The following MFSD6 variants were observed in gnomAD, a reference collection of about 807,000 sequenced individuals.
MFSD6 encodes major facilitator superfamily domain containing 6, also known as major facilitator superfamily domain-containing protein 6.
In MFSD6, 26 loss-of-function variants were observed where a neutral mutation model predicts 56.3. The ratio of observed to expected loss-of-function variants is 0.46; its 90% CI spans 0.34 to 0.64. The LOEUF (loss-of-function observed/expected upper bound fraction) is 0.64. Among genes scored for constraint, MFSD6 ranks in the 30% least tolerant of loss-of-function variants. The pLI is 0.01. For missense variants in MFSD6, 750 were observed against 986.2 expected (o/e 0.76, Z 3.21); for synonymous variants, 331 against 366.9 (o/e 0.90, Z 1.12).
rs1346833430 is a variant in MFSD6 at position 190,497,561 on chromosome 2, A to G, written c.2014A>G (p.Lys672Glu). 1 of 1,614,098 alleles carries G rather than the reference A, an allele frequency of 6.2e-7. No homozygotes were observed. The highest frequency in any genetic ancestry group is 2.2e-5 in the East Asian group (1 of 44,900). ...ACGCATTGAGCCCAGACTTCCACCCAAGAAAACTAAGCACCAGGAAGAACA... is the reference window on the plus strand; with the variant it reads ...ACGCATTGAGCCCAGACTTCCACCCGAGAAAACTAAGCACCAGGAAGAACA... ...MPRIEPRLPP[K>E]KTKHQEEQED... is the part of the protein sequence containing the mutation. The change falls in exon 7 of 8, where the codon AAG becomes GAG. Residue 672 changes from lysine to glutamate, a missense_variant. Coordinates refer to ENST00000392328, the MANE Select transcript of MFSD6 (RefSeq NM_017694.4). The surrounding 1 kb of genome is among the most constrained non-coding windows in gnomAD (Gnocchi z 5.2).
Position 190,498,734 on chromosome 2 carries a change from A to AT in MFSD6, c.2172+1019dup, listed in dbSNP as rs1313867392. On this transcript the variant is annotated intron_variant, in intron 7 of 7. Transcript: ENST00000392328. The surrounding 1 kb of genome is among the most constrained non-coding windows in gnomAD (Gnocchi z 5.9). ...AGAAGACTAAACAGGAGAAAGGATG[A>AT]TTTTAATATCTGCTGCTTGAGTAGC... 1.3e-5 allele frequency among the ~76,000 whole-genome samples: 2 copies of AT among 152,340 alleles called. No homozygotes were observed. Among genetic ancestry groups the AT allele is most frequent in the African/African-American group, 4.8e-5 (2 of 41,574 alleles).
At chr2:190,460,446 C>G (rs147154779) in intron 3 of MFSD6, among the ~76,000 whole-genome samples, 1 of 152,042 alleles carries the variant, frequency 6.6e-6, no homozygotes, top group South Asian at 2.1e-4. Context: ...AGTGTATATC[C>G]CTAGCACTTA....
rs1686070608 is a variant in MFSD6 at position 190,433,319 on chromosome 2, C to A, written c.-53-2658C>A. On this transcript the variant is annotated intron_variant, in intron 2 of 7. Transcript: ENST00000392328. This position sits in a 1 kb window ranked among gnomAD's most constrained non-coding sequence, Gnocchi z 4.5. Reference sequence around the variant, plus strand: ...TAGATTTGAGGGCAAATTATTTTTTCTTTTCAGATGATGAAATGGAATTGG... The same window carrying A: ...TAGATTTGAGGGCAAATTATTTTTTATTTTCAGATGATGAAATGGAATTGG... 6.6e-6 allele frequency: 1 copy of A among 152,030 alleles called. No homozygotes were observed. Among genetic ancestry groups the A allele is most frequent in the South Asian group, 2.1e-4 (1 of 4,822 alleles). The allele number at this position is 152,030 out of a possible 1,614,324, so 9.4% of individuals were successfully genotyped here. A position where few individuals can be genotyped will look rare whatever the true frequency, so the allele number is the denominator to read the frequency against.
In MFSD6 at chr2:190,501,778, A is replaced by C. The variant is rs191159246; in HGVS notation, c.*1560A>C. 58 of 152,802 alleles carry C rather than the reference A, an allele frequency of 3.8e-4. 1 individual carries two copies. Among genetic ancestry groups the C allele is most frequent in the African/African-American group, 1.2e-3 (51 of 41,592 alleles). The allele number at this position is 152,802 out of a possible 1,614,324, so 9.5% of individuals were successfully genotyped here. On this transcript the variant is annotated 3_prime_UTR_variant, in exon 8 of 8. Coordinates refer to ENST00000392328, the MANE Select transcript of MFSD6 (RefSeq NM_017694.4). ...ATAACTGAAAGAAATAGAATTCAGC[A>C]AATAGTTATTTTTTGCACTTGAACT... is the stretch of plus-strand genomic sequence containing the variant.
At position 190,499,880 on chromosome 2, in the gene MFSD6, T is replaced by C; in HGVS notation, c.2173-135T>C. ...AGGTAAGACATTCTATCCTTATTCC[T>C]CTATTACTTGGTCCCTGAAATGGGC... is the stretch of plus-strand genomic sequence containing the variant. On this transcript the variant is annotated intron_variant, in intron 7 of 7. Transcript: ENST00000392328. This position sits in a 1 kb window ranked among gnomAD's most constrained non-coding sequence, Gnocchi z 6.0. 1 of 1,556,614 alleles carries C rather than the reference T, an allele frequency of 6.4e-7. No individual in the cohort carries two copies.
chr2:190,408,094 G>A (rs978644657), upstream of MFSD6, among the ~76,000 whole-genome samples: 3 of 152,032 alleles, frequency 2.0e-5, no homozygotes, highest in African/African-American at 2.4e-5. Flanking sequence ...TGGAGGCCGG[G>A]AGCGGGCAGT....
Position 190,488,606 on chromosome 2 carries a change from A to C in MFSD6, c.1631-51A>C. 7.3e-7 allele frequency: 1 copy of C among 1,378,210 alleles called. No homozygotes were observed. Among genetic ancestry groups the C allele is most frequent in the Non-Finnish European group, 9.6e-7 (1 of 1,047,048 alleles). 85.4% of individuals were successfully genotyped at this position (1,378,210 alleles called of 1,614,324 possible). On this transcript the variant is annotated intron_variant, in intron 4 of 7. Transcript: ENST00000392328. This position sits in a 1 kb window ranked among gnomAD's most constrained non-coding sequence, Gnocchi z 6.4. ...AATAATTCACATTTCAAAACAGAGT[A>C]GCCTAAGAAATGCTAACCAACTAAT...
chr2:190,489,298 G>C lies in MFSD6; in HGVS notation c.1793-470G>C, dbSNP rs1689192262. On this transcript the variant is annotated intron_variant, in intron 5 of 7. Coordinates refer to ENST00000392328, the MANE Select transcript of MFSD6 (RefSeq NM_017694.4). This position sits in a 1 kb window ranked among gnomAD's most constrained non-coding sequence, Gnocchi z 6.6. ...TATCTTCCTTATTAGAAACATAGGA[G>C]CTGAAATAGGAATGAGATTATTCTG... Among the ~76,000 whole-genome samples the C allele has an allele frequency of 6.6e-6, 1 of 152,140 alleles. No individual in the cohort carries two copies. Among genetic ancestry groups the C allele is most frequent in the Non-Finnish European group, 1.5e-5 (1 of 68,028 alleles).
chr2:190,455,319 T>G (rs761622584), intron 3 of MFSD6, among the ~76,000 whole-genome samples: 4 of 152,188 alleles, frequency 2.6e-5, no homozygotes, highest in African/African-American at 4.8e-5. Context: ...GTTTTAAGTA[T>G]AGGTATAATA....
At position 190,436,621 on chromosome 2, in the gene MFSD6, A is replaced by C. The variant is rs1255763819; in HGVS notation, c.592A>C (p.Lys198Gln). Residue 198 changes from lysine (K) to glutamine (Q), a missense_variant, in exon 3 of 8, where the codon AAA becomes CAA. Transcript: ENST00000392328. This position sits in a 1 kb window ranked among gnomAD's most constrained non-coding sequence, Gnocchi z 5.3. ...FLTISPKMRE[K>Q]RNLLETRLNV... is the part of the protein sequence containing the mutation. ...CACCATATCACCAAAAATGCGTGAG[A>C]AAAGAAACCTTTTGGAAACAAGGCT... 1 of 1,614,100 alleles carries C rather than the reference A, an allele frequency of 6.2e-7. No homozygotes were observed. The highest frequency in any genetic ancestry group is 8.5e-7 in the Non-Finnish European group (1 of 1,180,044).
Position 190,412,031 on chromosome 2 carries a change from A to G in MFSD6, c.-175-3261A>G, listed in dbSNP as rs1690583442. 1.0e-6 allele frequency: 1 copy of G among 985,164 alleles called. No individual in the cohort carries two copies. The highest frequency in any genetic ancestry group is 1.7e-5 in the African/African-American group (1 of 57,240). The allele number at this position is 985,164 out of a possible 1,614,324, so 61.0% of individuals were successfully genotyped here. ...TATGGCATTCTGGATGACTTTAGGT[A>G]TAATTATTTTTAGTAACAATTTAGG... On this transcript the variant is annotated intron_variant, in intron 1 of 7. Coordinates refer to ENST00000392328, the MANE Select transcript of MFSD6 (RefSeq NM_017694.4). The surrounding 1 kb of genome is among the most constrained non-coding windows in gnomAD (Gnocchi z 4.1).
At chr2:190,448,101 G>A (rs1434606947) in intron 3 of MFSD6, among the ~76,000 whole-genome samples, 1 of 152,158 alleles carries the variant, frequency 6.6e-6, no homozygotes, top group Non-Finnish European at 1.5e-5. Context: ...AACACCATGT[G>A]TACTGTACCT....
At chr2:190,453,604 C>A (rs761497705) in intron 3 of MFSD6, among the ~76,000 whole-genome samples, 2 of 152,294 alleles carry the variant, frequency 1.3e-5, no homozygotes, top group South Asian at 2.1e-4. Context: ...GTGCTTCTAA[C>A]GTGGGCATAA....
intron 3 of MFSD6, among the ~76,000 whole-genome samples, chr2:190,468,807 A>G (rs5004460): frequency 0.88 from 133,742 of 152,064 alleles, 59,619 homozygotes; most frequent in East Asian, 1. Flanking sequence ...ACCACTGATT[A>G]TCGTGTTGGT....
chr2:190,437,015 T>C lies in MFSD6; in HGVS notation c.986T>C (p.Met329Thr). Reference sequence around the variant, plus strand: ...AGAGATCGCTATGGGTTGCAGCGCATGTGGGGCTCCCTGGGCTGGGGCCTG... The same window carrying C: ...AGAGATCGCTATGGGTTGCAGCGCACGTGGGGCTCCCTGGGCTGGGGCCTG... Reference protein sequence around the residue: ...KHRDRYGLQRMWGSLGWGLAM... With the variant: ...KHRDRYGLQRTWGSLGWGLAM... Residue 329 changes from methionine to threonine, a missense_variant, in exon 3 of 8, where the codon ATG (methionine) becomes ACG (threonine). Around this residue, in one of 5 missense-constraint regions of MFSD6, gnomAD observed 376 missense variants for 437.9 expected, o/e 0.86. Coordinates refer to ENST00000392328, the MANE Select transcript of MFSD6 (RefSeq NM_017694.4). This position sits in a 1 kb window ranked among gnomAD's most constrained non-coding sequence, Gnocchi z 5.9. 6.2e-7 allele frequency: 1 copy of C among 1,614,216 alleles called. No individual in the cohort carries two copies. Among genetic ancestry groups the C allele is most frequent in the Non-Finnish European group, 8.5e-7 (1 of 1,180,034 alleles).
Position 190,489,713 on chromosome 2 carries a change from G to A in MFSD6, c.1793-55G>A, listed in dbSNP as rs537150276. 4 of 1,491,970 alleles carry A rather than the reference G, an allele frequency of 2.7e-6. No individual in the cohort carries two copies. Among genetic ancestry groups the A allele is most frequent in the African/African-American group, 1.4e-5 (1 of 71,938 alleles). The allele number at this position is 1,491,970 out of a possible 1,614,324, so 92.4% of individuals were successfully genotyped here. A position where few individuals can be genotyped will look rare whatever the true frequency, so the allele number is the denominator to read the frequency against. ...CTTTAGAAAACTGATGGTTTTAGAT[G>A]AGCGCTATCTGCATTTCTTGGAATT... On this transcript the variant is annotated intron_variant, in intron 5 of 7. Transcript: ENST00000392328. This position sits in a 1 kb window ranked among gnomAD's most constrained non-coding sequence, Gnocchi z 6.6.
In MFSD6 at chr2:190,492,282, A is replaced by C. The variant is rs1034163548; in HGVS notation, c.1891+2416A>C. On this transcript the variant is annotated intron_variant, in intron 6 of 7. Transcript: ENST00000392328. This position sits in a 1 kb window ranked among gnomAD's most constrained non-coding sequence, Gnocchi z 5.2. The stretch of plus-strand genomic sequence containing the variant: ...GCTAGAGACCTAAACATCCAAATAC[A>C]AGAATCCCAAAGAACACCTGGGAAA... 2.6e-5 allele frequency among the ~76,000 whole-genome samples: 4 copies of C among 152,360 alleles called. No individual in the cohort carries two copies. The East Asian group carries it at 7.7e-4, about 29-fold the overall frequency.
rs750898410 is a variant in MFSD6, at chr2:190,436,657, G to C, written c.628G>C (p.Asp210His). 4 of 1,614,186 alleles carry C rather than the reference G, an allele frequency of 2.5e-6. No individual in the cohort carries two copies. The South Asian group carries it at 4.4e-5, about 18-fold the overall frequency. ...TTTGGAAACAAGGCTCAATGTCTCA[G>C]ACACCGTTACTTTGCCAACAGCTCC... ...NLLETRLNVS[D>H]TVTLPTAPNM... The change falls in exon 3 of 8, where the codon GAC becomes CAC. Residue 210 changes from aspartate to histidine, a missense_variant. Around this residue, in one of 5 missense-constraint regions of MFSD6, gnomAD observed 376 missense variants for 437.9 expected, o/e 0.86. Coordinates refer to ENST00000392328, the MANE Select transcript of MFSD6 (RefSeq NM_017694.4). This position sits in a 1 kb window ranked among gnomAD's most constrained non-coding sequence, Gnocchi z 5.3.
rs938710366 is a variant in MFSD6 at position 190,496,826 on chromosome 2, C to T, written c.1892-613C>T. Among the ~76,000 whole-genome samples the T allele has an allele frequency of 6.6e-6, 1 of 152,146 alleles. No individual in the cohort carries two copies. Among genetic ancestry groups the T allele is most frequent in the African/African-American group, 2.4e-5 (1 of 41,424 alleles). Reference sequence around the variant, plus strand: ...AACTCAAGAATGGAAAACCAAACATCGTATATTCTCACTCATAAGTGGGAG... The same window carrying T: ...AACTCAAGAATGGAAAACCAAACATTGTATATTCTCACTCATAAGTGGGAG... On this transcript the variant is annotated intron_variant, in intron 6 of 7. Coordinates refer to ENST00000392328, the MANE Select transcript of MFSD6 (RefSeq NM_017694.4). This position sits in a 1 kb window ranked among gnomAD's most constrained non-coding sequence, Gnocchi z 4.7.
Sources: gnomAD v4.1 joint callset for allele counts (sites outside exome capture counted in the v4.1 genomes callset) on GRCh38, gnomAD v4.1.1 for gene constraint, gnomAD v4.1.1 regional missense constraint, Gnocchi (gnomAD v3.1) non-coding constraint, MANE v1.5 for transcripts, NCBI Gene and HGNC (gene_info 2026-07-23, HGNC 2026-07-21) for gene names.